RPA3: variants seen among roughly 807,000 people sequenced by gnomAD.
The protein encoded by RPA3 is replication protein A3.
In RPA3, 24 loss-of-function variants were observed where a neutral mutation model predicts 13.7. The observed-to-expected ratio is 1.75, with a 90% CI of 1.27 to 2.46. RPA3 has a LOEUF of 2.46. Among genes scored for constraint, RPA3 ranks in the 30% most tolerant of loss-of-function variants. The pLI, the probability that RPA3 is intolerant of heterozygous loss-of-function variation, is 0.00. For synonymous variants in RPA3, 59 were observed against 51.2 expected, an observed-to-expected ratio of 1.15 and a Z score of -0.65; for missense variants, 183 against 151.0, an observed-to-expected ratio of 1.21 and a Z score of -1.11.
At chr7:7,674,968 T>C (rs1447774965) in intron 4 of RPA3, among the ~76,000 whole-genome samples, 1 of 152,100 alleles carries the variant, frequency 6.6e-6, no homozygotes, top group Non-Finnish European at 1.5e-5. Context: ...TTAACACATA[T>C]ACAGGGAACT....
chr7:7,670,576 T>G (rs890493334), intron 4 of RPA3, among the ~76,000 whole-genome samples: 1 of 152,112 alleles, frequency 6.6e-6, no homozygotes, highest in Non-Finnish European at 1.5e-5. Context: ...AACTCACCCC[T>G]CCCCAAGGCA....
intron 4 of RPA3, among the ~76,000 whole-genome samples, chr7:7,664,394 T>G (rs149243395): frequency 6.6e-6 from 1 of 152,182 alleles, no homozygotes; most frequent in East Asian, 1.9e-4. Flanking sequence ...AATACTTTGC[T>G]CAAGACTCCA....
chr7:7,639,056 A>G lies in RPA3; in HGVS notation c.174+14T>C. 6.3e-7 allele frequency: 1 copy of G among 1,586,664 alleles called. No homozygotes were observed. Among genetic ancestry groups the G allele is most frequent in the South Asian group, 1.2e-5 (1 of 86,564 alleles). ...ACTATAATATATAAGAGACTTATTA[A>G]CACTTAAACATACGGGTTCCATCAA... is the stretch of plus-strand genomic sequence containing the variant. On this transcript the variant is annotated intron_variant, in intron 6 of 7. Transcript: ENST00000223129.
At chr7:7,653,505 C>CA (rs28916268) in intron 4 of RPA3, among the ~76,000 whole-genome samples, 4,603 of 152,050 alleles carry the variant, frequency 0.03, 83 homozygotes, top group African/African-American at 0.055. Flanking sequence ...TATAGCATTA[C>CA]AAAAAAAACC....
intron 4 of RPA3, among the ~76,000 whole-genome samples, chr7:7,647,457 G>T (rs146286103): frequency 6.6e-6 from 1 of 152,220 alleles, no homozygotes; most frequent in African/African-American, 2.4e-5. Flanking sequence ...GTATTTTCCA[G>T]TTGTTGGATC....
At chr7:7,687,835 A>G (rs1250862375) in intron 2 of RPA3, among the ~76,000 whole-genome samples, 2 of 152,206 alleles carry the variant, frequency 1.3e-5, no homozygotes, top group East Asian at 3.8e-4. Flanking sequence ...TTGCTCTGAA[A>G]ATTTTAAGTA....
chr7:7,640,235 C>T (rs1243429872), intron 5 of RPA3, 85 bp downstream of exon 5: 2 of 1,401,188 alleles, frequency 1.4e-6, no homozygotes, highest in African/African-American at 1.4e-5. Flanking sequence ...CGGAGGCTTT[C>T]CGTCCTTTTT....
intron 4 of RPA3, among the ~76,000 whole-genome samples, chr7:7,683,272 G>C (rs1304900707): frequency 6.6e-6 from 1 of 152,126 alleles, no homozygotes; most frequent in Admixed American, 6.6e-5. Flanking sequence ...AAAAAATACT[G>C]GTGCTGGGAC....
At chr7:7,642,898 A>G (rs570644810) in intron 4 of RPA3, among the ~76,000 whole-genome samples, 2 of 152,332 alleles carry the variant, frequency 1.3e-5, no homozygotes, top group African/African-American at 2.4e-5. Flanking sequence ...GCTAAATGGT[A>G]TGTTGTTTAA....
Position 7,640,650 on chromosome 7 carries a change from T to C in RPA3, c.-232A>G. ...ATTGGCTGCTTAGTGACGCGCGGCG[T>C]CCCGGAAGTTGACAGATACAGGGCG... On this transcript the variant is annotated 5_prime_UTR_variant, in exon 5 of 8. Coordinates refer to ENST00000223129, the MANE Select transcript of RPA3 (RefSeq NM_002947.5). 2 of 536,036 alleles carry C rather than the reference T, an allele frequency of 3.7e-6. No homozygotes were observed. Among genetic ancestry groups the C allele is most frequent in the Non-Finnish European group, 6.7e-6 (2 of 300,010 alleles). 33.2% of individuals were successfully genotyped at this position (536,036 alleles called of 1,614,324 possible).
intron 4 of RPA3, among the ~76,000 whole-genome samples, chr7:7,672,306 T>A (rs1779626232): frequency 6.6e-6 from 1 of 152,198 alleles, no homozygotes; most frequent in Admixed American, 6.5e-5. Flanking sequence ...ATTGTTGGCC[T>A]ACTTGAATGT....
intron 4 of RPA3, among the ~76,000 whole-genome samples, chr7:7,670,609 G>T (rs759761124): frequency 6.6e-6 from 1 of 152,168 alleles, no homozygotes; most frequent in Non-Finnish European, 1.5e-5. Flanking sequence ...GCCCCATTCA[G>T]ATATAGCATC....
Position 7,639,094 on chromosome 7 carries a change from A to AT in RPA3, c.149dup (p.Asn50LysfsTer11). On this transcript the variant is annotated frameshift_variant, in exon 6 of 8. Transcript: ENST00000223129. LOFTEE classifies it high-confidence loss of function. ...CGGGTTCCATCAACTCGATGGTTCCATTTTTTCCTTCTCCATCTGAAAGAA... is the reference window on the plus strand; with the variant it reads ...CGGGTTCCATCAACTCGATGGTTCCATTTTTTTCCTTCTCCATCTGAAAGAA... 6.2e-7 allele frequency: 1 copy of AT among 1,612,878 alleles called. No homozygotes were observed. The highest frequency in any genetic ancestry group is 8.5e-7 in the Non-Finnish European group (1 of 1,179,484).
At chr7:7,689,943 A>G (rs1474693638) in intron 2 of RPA3, among the ~76,000 whole-genome samples, 6 of 152,194 alleles carry the variant, frequency 3.9e-5, no homozygotes, top group Admixed American at 1.3e-4. Context: ...ATAGTTTGCT[A>G]CTTATATATA....
chr7:7,672,143 G>A (rs1415625484), intron 4 of RPA3, among the ~76,000 whole-genome samples: 1 of 152,136 alleles, frequency 6.6e-6, no homozygotes, highest in Non-Finnish European at 1.5e-5. Context: ...TGCTATGGGT[G>A]AAATATATGA....
chr7:7,676,860 T>C (rs1414649472), intron 4 of RPA3, among the ~76,000 whole-genome samples: 3 of 152,132 alleles, frequency 2.0e-5, no homozygotes, highest in Non-Finnish European at 4.4e-5. Flanking sequence ...TAGTTAATTG[T>C]CTTTAAAGTT....
chr7:7,716,683 C>A (rs1214961592), intron 1 of RPA3, among the ~76,000 whole-genome samples: 1 of 152,218 alleles, frequency 6.6e-6, no homozygotes, highest in African/African-American at 2.4e-5. Context: ...CGGTGGCTCA[C>A]GCCTGTCATC....
intron 6 of RPA3, chr7:7,638,782 C>T (rs748252306): frequency 3.7e-6 from 1 of 266,708 alleles, no homozygotes; most frequent in East Asian, 6.8e-5. Context: ...AAAAAAGCAA[C>T]GTAAATTTTT....
At chr7:7,716,829 C>G (rs1439607046) in intron 1 of RPA3, among the ~76,000 whole-genome samples, 1 of 152,066 alleles carries the variant, frequency 6.6e-6, no homozygotes, top group Admixed American at 6.5e-5. Context: ...GCCCATAATC[C>G]CAGCTACTCG....
Sources: gnomAD v4.1 joint callset for allele counts (sites outside exome capture counted in the v4.1 genomes callset) on GRCh38, gnomAD v4.1.1 for gene constraint, MANE v1.5 for transcripts, NCBI Gene and HGNC (gene_info 2026-07-23, HGNC 2026-07-21) for gene names.